MBP: variants seen among roughly 807,000 people sequenced by gnomAD.
MBP encodes myelin basic protein.
MBP carries 16 observed loss-of-function variants against 35.8 expected under a neutral mutation model. The ratio of observed to expected loss-of-function variants is 0.45; its 90% CI spans 0.30 to 0.68. The LOEUF is 0.68. Ranked by LOEUF, MBP falls within the 30% of genes least tolerant of loss-of-function variation. The pLI is 0.08. For missense variants in MBP, 380 were observed against 404.7 expected, an observed-to-expected ratio of 0.94 and a Z score of 0.52; for synonymous variants, 143 against 159.6, an observed-to-expected ratio of 0.90 and a Z score of 0.78.
At chr18:77,012,217 G>C (rs1001698780) in intron 4 of MBP, among the ~76,000 whole-genome samples, 2 of 152,206 alleles carry the variant, frequency 1.3e-5, no homozygotes, top group African/African-American at 4.8e-5. Context: ...CAGAGAGCCA[G>C]CACCATCCCC....
rs374687958 is a variant in MBP at position 77,066,350 on chromosome 18, C to CT, written c.86dup (p.Arg30GlufsTer5). On this transcript the variant is annotated frameshift_variant, in exon 3 of 9. Coordinates refer to ENST00000355994, the MANE Select transcript of MBP (RefSeq NM_001025101.2). LOFTEE classifies it high-confidence loss of function. ...TCCGTGAAAGTTCACCCAGGTTTCTCTTTTTTTCAGATTCTCCTCTGTTAG... is the reference window on the plus strand; with the variant it reads ...TCCGTGAAAGTTCACCCAGGTTTCTCTTTTTTTTCAGATTCTCCTCTGTTAG... The CT allele has an allele frequency of 6.2e-7, 1 of 1,614,034 alleles. No homozygotes were observed. Among genetic ancestry groups the CT allele is most frequent in the Non-Finnish European group, 8.5e-7 (1 of 1,179,886 alleles).
intron 2 of MBP, among the ~76,000 whole-genome samples, chr18:77,091,872 C>A (rs1975543294): frequency 6.6e-6 from 1 of 152,090 alleles, no homozygotes; most frequent in Non-Finnish European, 1.5e-5. Context: ...CACACGTGCA[C>A]ATACCACATA....
At chr18:77,128,872 A>C (rs1279195262) in intron 1 of MBP, among the ~76,000 whole-genome samples, 4 of 152,206 alleles carry the variant, frequency 2.6e-5, no homozygotes, top group Non-Finnish European at 5.9e-5. Flanking sequence ...TTATTCTCTA[A>C]CATCTTTGTT....
At chr18:77,041,669 A>T (rs1973001064) in intron 3 of MBP, among the ~76,000 whole-genome samples, 1 of 151,574 alleles carries the variant, frequency 6.6e-6, no homozygotes. Flanking sequence ...TCAGCAAACT[A>T]TCACAAGCAC....
chr18:77,041,479 C>G (rs1465433733), intron 3 of MBP, among the ~76,000 whole-genome samples: 4 of 151,874 alleles, frequency 2.6e-5, no homozygotes, highest in African/African-American at 7.3e-5. Flanking sequence ...ACATGCACAC[C>G]TATGTTTATT....
intron 1 of MBP, among the ~76,000 whole-genome samples, chr18:77,129,795 C>G (rs1001822624): frequency 7.9e-5 from 12 of 152,026 alleles, no homozygotes; most frequent in Non-Finnish European, 1.2e-4. Flanking sequence ...TTTGGGAGGC[C>G]GAGGTGGGTG....
At chr18:77,000,879 A>G (rs747861030) in intron 4 of MBP, among the ~76,000 whole-genome samples, 2 of 151,948 alleles carry the variant, frequency 1.3e-5, no homozygotes, top group Non-Finnish European at 2.9e-5. Context: ...CATCATTTCC[A>G]CTCGGATTTT....
chr18:77,028,682 C>T (rs1405096823), intron 3 of MBP, among the ~76,000 whole-genome samples: 1 of 87,996 alleles, frequency 1.1e-5, no homozygotes, highest in African/African-American at 3.1e-5. Context: ...CTCCTCACTT[C>T]CCAGTAGGGG....
chr18:77,014,449 G>A (rs1293442057), intron 4 of MBP: 9 of 985,480 alleles, frequency 9.1e-6, no homozygotes, highest in Non-Finnish European at 1.1e-5. Context: ...GCAGGCCGCC[G>A]TGGTCCTGAG....
At chr18:77,127,661 A>C (rs573151778) in intron 1 of MBP, 8 of 152,360 alleles carry the variant, frequency 5.3e-5, no homozygotes, top group African/African-American at 1.9e-4. Context: ...AGAAAATATA[A>C]AGAATTAGGA....
At chr18:77,051,728 G>A (rs192185286) in intron 3 of MBP, among the ~76,000 whole-genome samples, 3 of 152,306 alleles carry the variant, frequency 2.0e-5, no homozygotes, top group East Asian at 1.9e-4. Context: ...AAGAAAGGGC[G>A]GAATGAATAT....
chr18:77,030,191 G>C (rs1260133474), intron 3 of MBP, among the ~76,000 whole-genome samples: 2 of 151,786 alleles, frequency 1.3e-5, no homozygotes, highest in African/African-American at 2.4e-5. Context: ...TGGTTAGGAG[G>C]CTGGGAATGG....
intron 4 of MBP, chr18:77,009,968 C>T (rs577587180): frequency 4.9e-5 from 70 of 1,425,492 alleles, no homozygotes; most frequent in Admixed American, 3.9e-4. Context: ...TCCGGGTGGG[C>T]GCCGCCGGCA....
intron 3 of MBP, among the ~76,000 whole-genome samples, chr18:77,056,762 A>C (rs1468562477): frequency 6.6e-6 from 1 of 152,142 alleles, no homozygotes; most frequent in African/African-American, 2.4e-5. Context: ...CTTTGACACC[A>C]CTGAGTCCTC....
At chr18:77,024,456 A>T (rs891486688) in intron 3 of MBP, among the ~76,000 whole-genome samples, 3 of 152,274 alleles carry the variant, frequency 2.0e-5, no homozygotes, top group Non-Finnish European at 4.4e-5. Context: ...AAAACCATTT[A>T]GCATGGCTCT....
At chr18:77,052,651 A>G (rs902677627) in intron 3 of MBP, among the ~76,000 whole-genome samples, 1 of 152,156 alleles carries the variant, frequency 6.6e-6, no homozygotes, top group Non-Finnish European at 1.5e-5. Context: ...TGCTCACTGT[A>G]TATCCCGGCA....
At chr18:76,994,941 C>G (rs1970189599) in intron 4 of MBP, among the ~76,000 whole-genome samples, 1 of 152,122 alleles carries the variant, frequency 6.6e-6, no homozygotes, top group Admixed American at 6.5e-5. Flanking sequence ...GGCTTTTAGC[C>G]ATAAATCATC....
At chr18:77,030,765 A>T (rs994853105) in intron 3 of MBP, among the ~76,000 whole-genome samples, 1 of 152,246 alleles carries the variant, frequency 6.6e-6, no homozygotes, top group Admixed American at 6.5e-5. Context: ...TTTTTTAAAC[A>T]TACACATTTC....
chr18:77,111,220 C>T (rs1349917151), intron 1 of MBP, among the ~76,000 whole-genome samples: 1 of 152,204 alleles, frequency 6.6e-6, no homozygotes, highest in Non-Finnish European at 1.5e-5. Flanking sequence ...GAGCCCAGTG[C>T]TCATGGGCAC....
Sources: allele counts gnomAD v4.1 joint callset (sites outside exome capture counted in the v4.1 genomes callset), GRCh38; gene constraint gnomAD v4.1.1; transcripts MANE v1.5; gene names NCBI Gene and HGNC (gene_info 2026-07-23, HGNC 2026-07-21).